ALG9: variants seen among roughly 807,000 people sequenced by gnomAD.
ALG9 encodes the protein ALG9 alpha-1,2-mannosyltransferase, also known as alpha-1,2-mannosyltransferase ALG9.
Under a neutral mutation model 81.8 loss-of-function variants are expected in ALG9, and 55 were observed. That is an observed-to-expected ratio of 0.67 (90% CI 0.54 to 0.84). The LOEUF is 0.84. ALG9 is among the 40% of genes least tolerant of loss of function. The pLI is 0.00. For missense variants in ALG9, 629 were observed against 745.0 expected (o/e 0.84, Z 1.81); for synonymous variants, 278 against 274.3 (o/e 1.01, Z -0.13).
chr11:111,812,196 C>T lies in ALG9; in HGVS notation c.1603-2423G>A, dbSNP rs549959694. 1.4e-4 allele frequency among the ~76,000 whole-genome samples: 21 copies of T among 152,198 alleles called. No homozygotes were observed. In the East Asian group the frequency reaches 2.1e-3, roughly 15 times the overall value. On this transcript the variant is annotated intron_variant, in intron 13 of 14. Transcript: ENST00000616540. ...TAATGTCAATCAAAATCCTAACAGA[C>T]TTTTTTGAAACTCAACAAGCGGATT...
intron 14 of ALG9, among the ~76,000 whole-genome samples, chr11:111,797,090 C>T (rs1948407401): frequency 6.6e-6 from 1 of 152,200 alleles, no homozygotes; most frequent in African/African-American, 2.4e-5. Flanking sequence ...TGGAGAACGG[C>T]ATTGCAAGAT....
At chr11:111,845,571 T>C (rs1391283865) in intron 8 of ALG9, among the ~76,000 whole-genome samples, 2 of 152,172 alleles carry the variant, frequency 1.3e-5, no homozygotes. Context: ...TCACACTATT[T>C]TTTATTCTTT....
chr11:111,771,277 C>T, the ALG9 span: 1 of 152,474 alleles, frequency 6.6e-6, no homozygotes, highest in Non-Finnish European at 1.5e-5. Context: ...ACTAAAAATG[C>T]AAAAATTAGC....
At chr11:111,790,731 C>G (rs647071) in intron 14 of ALG9, among the ~76,000 whole-genome samples, 94,150 of 151,950 alleles carry the variant, frequency 0.62, 29,297 homozygotes, top group East Asian at 0.77. Context: ...AAATAATGAT[C>G]AATCTTACCA....
intron 13 of ALG9, among the ~76,000 whole-genome samples, chr11:111,810,300 C>T (rs45564236): frequency 3.3e-5 from 5 of 151,960 alleles, no homozygotes; most frequent in Non-Finnish European, 7.4e-5. Flanking sequence ...GCTCCTGCAG[C>T]GAAAGTTTAG....
At chr11:111,846,694 TAAAA>T (rs1201273282) in intron 8 of ALG9, among the ~76,000 whole-genome samples, 6 of 152,094 alleles carry the variant, frequency 3.9e-5, no homozygotes, top group African/African-American at 1.4e-4. Flanking sequence ...TCAACAGTCT[TAAAA>T]ACAAGGGCAA....
At chr11:111,827,165 A>G (rs1328190867) in intron 13 of ALG9, among the ~76,000 whole-genome samples, 1 of 151,366 alleles carries the variant, frequency 6.6e-6, no homozygotes, top group East Asian at 1.9e-4. Context: ...TTTTTTTCTT[A>G]TAAGGGACTT....
At chr11:111,781,379 G>A (rs183163072), downstream of ALG9, among the ~76,000 whole-genome samples, 91 of 152,262 alleles carry the variant, frequency 6.0e-4, no homozygotes, top group African/African-American at 1.9e-3. Flanking sequence ...TGAGGCAGGA[G>A]GACTGTTTGT....
At chr11:111,805,502 T>A (rs532405690) in intron 14 of ALG9, among the ~76,000 whole-genome samples, 1 of 152,290 alleles carries the variant, frequency 6.6e-6, no homozygotes, top group African/African-American at 2.4e-5. Context: ...TATTAAGCCA[T>A]GAAAAGACTC....
chr11:111,866,828 T>C (rs1036550304), intron 3 of ALG9, among the ~76,000 whole-genome samples: 9 of 150,244 alleles, frequency 6.0e-5, no homozygotes, highest in Admixed American at 6.0e-4. Flanking sequence ...GTGCAGTGGC[T>C]CACGCCCGTA....
chr11:111,797,532 A>C (rs3867466), intron 14 of ALG9, among the ~76,000 whole-genome samples: 40,206 of 152,164 alleles, frequency 0.26, 5,493 homozygotes, highest in Admixed American at 0.34. Flanking sequence ...AAGAAACAAT[A>C]ATCAACTATT....
chr11:111,870,436 C>T (rs1555157497), intron 1 of ALG9, 66 bp from the exon 2 acceptor site: 3 of 1,469,606 alleles, frequency 2.0e-6, no homozygotes, highest in Non-Finnish European at 8.9e-7. Flanking sequence ...AATCAGAAGA[C>T]CTAAATCTAG....
At position 111,857,614 on chromosome 11, in the gene ALG9, C is replaced by T. The variant is rs781960976; in HGVS notation, c.689G>A (p.Ser230Asn). 1 of 1,614,176 alleles carries T rather than the reference C, an allele frequency of 6.2e-7. No individual in the cohort carries two copies. The highest frequency in any genetic ancestry group is 8.5e-7 in the Non-Finnish European group (1 of 1,180,032). ...GTTAGTTTCTTACCCAAGAGCTGCA[C>T]TGAATGGCCAGCCTAAGATAGCCCC... Reference protein sequence around the residue: ...AAGAILGWPFSAALGLPIAFD... With the variant: ...AAGAILGWPFNAALGLPIAFD... The change falls in exon 6 of 15, where the codon AGT (serine) becomes AAT (asparagine). Residue 230 changes from serine (S) to asparagine (N), a missense_variant. By Grantham distance (46) the Ser-to-Asn change is conservative. Transcript: ENST00000616540.
chr11:111,779,998 A>T (rs1464215007), downstream of ALG9, among the ~76,000 whole-genome samples: 2 of 152,174 alleles, frequency 1.3e-5, no homozygotes, highest in Non-Finnish European at 2.9e-5. Context: ...AGCTGAAGAG[A>T]GCCAAAACAG....
At chr11:111,859,091 A>T (rs113911478) in intron 5 of ALG9, among the ~76,000 whole-genome samples, 2,675 of 152,218 alleles carry the variant, frequency 0.018, 39 homozygotes, top group Non-Finnish European at 0.028. Context: ...CTATAGTCCT[A>T]GCTACTTGGG....
chr11:111,807,384 C>T (rs1950078277), intron 14 of ALG9, among the ~76,000 whole-genome samples: 1 of 152,148 alleles, frequency 6.6e-6, no homozygotes, highest in South Asian at 2.1e-4. Context: ...CAGATGTCCA[C>T]ATGGTTAATG....
intron 14 of ALG9, among the ~76,000 whole-genome samples, chr11:111,797,605 G>C (rs1948494322): frequency 6.6e-6 from 1 of 152,220 alleles, no homozygotes; most frequent in East Asian, 1.9e-4. Flanking sequence ...AAATGCTTCT[G>C]GCTAATTTGC....
chr11:111,787,557 C>T (rs137893730), intron 14 of ALG9, among the ~76,000 whole-genome samples: 1,656 of 151,922 alleles, frequency 0.011, 36 homozygotes, highest in African/African-American at 0.038. Context: ...CCCGGGTTCA[C>T]GCCATTCTCC....
intron 14 of ALG9, among the ~76,000 whole-genome samples, chr11:111,804,425 T>C (rs1949625511): frequency 6.6e-6 from 1 of 152,080 alleles, no homozygotes; most frequent in Non-Finnish European, 1.5e-5. Flanking sequence ...TACAGGGAAC[T>C]CTTAAAACTC....
Sources: allele counts gnomAD v4.1 joint callset (sites outside exome capture counted in the v4.1 genomes callset), GRCh38; gene constraint gnomAD v4.1.1; transcripts MANE v1.5; gene names NCBI Gene and HGNC (gene_info 2026-07-23, HGNC 2026-07-21).